SGCE: variants seen among roughly 807,000 people sequenced by gnomAD.
The protein encoded by SGCE is sarcoglycan epsilon, also known as epsilon-sarcoglycan.
SGCE carries 26 observed loss-of-function variants against 57.8 expected under a neutral mutation model. The observed-to-expected ratio is 0.45, with a 90% confidence interval of 0.33 to 0.62. The LOEUF is 0.62. Among genes scored for constraint, SGCE ranks in the 20% least tolerant of loss-of-function variants. SGCE has a pLI of 0.02. For synonymous variants in SGCE, 183 were observed against 189.5 expected, an observed-to-expected ratio of 0.97 and a Z score of 0.28; for missense variants, 468 against 548.6, an observed-to-expected ratio of 0.85 and a Z score of 1.47.
In SGCE at chr7:94,656,051, C is replaced by T. The variant is rs1393305870; in HGVS notation, c.48G>A (p.Thr16=). The change falls in exon 1 of 11, where the codon ACG becomes ACA. Residue 16 remains threonine (T), a synonymous_variant. Coordinates refer to ENST00000648936, the MANE Select transcript of SGCE (RefSeq NM_003919.3). ...TCCTGCGTGTCCCCCGACCCTGTCC[C>T]GTCCAAGCACAGGGGTCTCCCAGCT... ...WWELGDPCAW[T]GQGRGTRRMS... 1.9e-6 allele frequency: 3 copies of T among 1,613,284 alleles called. No individual in the cohort carries two copies. The highest frequency in any genetic ancestry group is 1.7e-6 in the Non-Finnish European group (2 of 1,179,474).
chr7:94,591,144 C>T (rs1797624552), intron 9 of SGCE, among the ~76,000 whole-genome samples: 1 of 152,052 alleles, frequency 6.6e-6, no homozygotes, highest in Non-Finnish European at 1.5e-5. Context: ...GAATTTCACA[C>T]AATGTATTTA....
Position 94,635,484 on chromosome 7 carries a change from G to A in SGCE, c.110-5643C>T, listed in dbSNP as rs144680309. ...GTACTGACAAAAAATAATACTTCTC[G>A]TCTCATATTTTATAGTTTTAACATC... is the stretch of plus-strand genomic sequence containing the variant. On this transcript the variant is annotated intron_variant, in intron 1 of 10. Coordinates refer to ENST00000648936, the MANE Select transcript of SGCE (RefSeq NM_003919.3). Among the ~76,000 whole-genome samples the A allele has an allele frequency of 3.8e-4, 58 of 152,178 alleles. No individual in the cohort carries two copies. The East Asian group carries it at 7.1e-3, about 19-fold the overall frequency.
chr7:94,621,896 G>C (rs1010098955), intron 4 of SGCE: 6 of 152,152 alleles, frequency 3.9e-5, no homozygotes, highest in Non-Finnish European at 8.8e-5. Context: ...CTTCAGTCCA[G>C]GCCCACAGAA....
intron 9 of SGCE, among the ~76,000 whole-genome samples, chr7:94,594,058 T>A (rs1002433248): frequency 6.6e-6 from 1 of 152,074 alleles, no homozygotes; most frequent in Admixed American, 6.6e-5. Flanking sequence ...AAGGCTAGAC[T>A]CTCTCTTGAC....
At chr7:94,604,413 T>C (rs1027741660) in intron 5 of SGCE, among the ~76,000 whole-genome samples, 1 of 148,470 alleles carries the variant, frequency 6.7e-6, no homozygotes, top group African/African-American at 2.5e-5. Flanking sequence ...AGAATAGCCA[T>C]ACACACACAC....
chr7:94,590,478 G>A (rs1320322816), intron 9 of SGCE: 2 of 152,036 alleles, frequency 1.3e-5, no homozygotes, highest in African/African-American at 4.8e-5. Context: ...GCATTATAAA[G>A]TATATACATT....
chr7:94,612,659 A>C (rs943481889), intron 5 of SGCE, among the ~76,000 whole-genome samples: 7 of 152,224 alleles, frequency 4.6e-5, no homozygotes, highest in African/African-American at 7.2e-5. Flanking sequence ...GAGGTCTAGA[A>C]GTGGAAACAT....
chr7:94,600,399 T>C (rs1307197135), intron 7 of SGCE: 6 of 448,464 alleles, frequency 1.3e-5, no homozygotes, highest in South Asian at 1.2e-4. Context: ...GGGACTGTTT[T>C]GCCAGTGTGA....
At chr7:94,639,438 T>C (rs1236412144) in intron 1 of SGCE, 1 of 1,527,308 alleles carries the variant, frequency 6.5e-7, no homozygotes, top group East Asian at 2.4e-5. Context: ...CAGCACAGCT[T>C]AATAAAAAAG....
At chr7:94,608,715 A>G (rs1005950541) in intron 5 of SGCE, among the ~76,000 whole-genome samples, 2 of 152,234 alleles carry the variant, frequency 1.3e-5, no homozygotes, top group Non-Finnish European at 2.9e-5. Flanking sequence ...GTATTGGGAA[A>G]TAATTGACAA....
intron 9 of SGCE, among the ~76,000 whole-genome samples, chr7:94,593,574 CA>C (rs892380807): frequency 3.3e-5 from 5 of 151,894 alleles, no homozygotes; most frequent in African/African-American, 1.2e-4. Context: ...CATAAGACTA[CA>C]AAATAACATT....
At chr7:94,625,016 A>G (rs1213791491) in intron 3 of SGCE, 1 of 152,068 alleles carries the variant, frequency 6.6e-6, no homozygotes, top group Non-Finnish European at 1.5e-5. Flanking sequence ...TTCCAATGAG[A>G]CATTTAACTG....
chr7:94,599,443 G>T, intron 8 of SGCE: 1 of 477,956 alleles, frequency 2.1e-6, no homozygotes, highest in Non-Finnish European at 3.7e-6. Flanking sequence ...TAATATAAAT[G>T]GTAAGTTAAT....
At chr7:94,616,468 G>A (rs1460184280) in intron 5 of SGCE, among the ~76,000 whole-genome samples, 2 of 151,972 alleles carry the variant, frequency 1.3e-5, no homozygotes, top group Admixed American at 6.6e-5. Flanking sequence ...TTTTACAAGG[G>A]ATATAATTCC....
intron 1 of SGCE, among the ~76,000 whole-genome samples, chr7:94,649,171 A>C (rs1433345680): frequency 6.6e-6 from 1 of 152,254 alleles, no homozygotes; most frequent in Non-Finnish European, 1.5e-5. Context: ...AATGTGCTAA[A>C]CATGCGTGGT....
At chr7:94,587,393 C>A in intron 10 of SGCE, 1 of 1,101,714 alleles carries the variant, frequency 9.1e-7, no homozygotes, top group Non-Finnish European at 1.1e-6. Context: ...GCTTCCTACT[C>A]ACTCCATGCC....
At chr7:94,604,829 AT>A (rs1799825649) in intron 5 of SGCE, among the ~76,000 whole-genome samples, 1 of 62,464 alleles carries the variant, frequency 1.6e-5, no homozygotes, top group Non-Finnish European at 3.5e-5. Flanking sequence ...ATATATATAT[AT>A]ATATATATAT....
chr7:94,594,353 C>T (rs1376661761), intron 9 of SGCE: 2 of 152,072 alleles, frequency 1.3e-5, no homozygotes, highest in Admixed American at 1.3e-4. Context: ...AACACTTATT[C>T]ACTAGGCTAC....
chr7:94,604,312 A>G (rs1368793137), intron 5 of SGCE, among the ~76,000 whole-genome samples: 2 of 152,102 alleles, frequency 1.3e-5, no homozygotes, highest in Non-Finnish European at 2.9e-5. Context: ...ATGACAATGT[A>G]AAATGAAGTA....
Sources: gnomAD v4.1 joint callset for allele counts (sites outside exome capture counted in the v4.1 genomes callset) on GRCh38, gnomAD v4.1.1 for gene constraint, MANE v1.5 for transcripts, NCBI Gene and HGNC (gene_info 2026-07-23, HGNC 2026-07-21) for gene names.